PPP2R5C: variants seen among roughly 807,000 people sequenced by gnomAD.
The protein encoded by PPP2R5C is protein phosphatase 2 regulatory subunit B'gamma.
In PPP2R5C, 7 loss-of-function variants were observed where a neutral mutation model predicts 68.9. The ratio of observed to expected loss-of-function variants is 0.10; its 90% CI spans 0.06 to 0.19. The LOEUF (loss-of-function observed/expected upper bound fraction) is 0.19. PPP2R5C is among the 10% of genes least tolerant of loss of function. PPP2R5C has a pLI of 1.00. For synonymous variants in PPP2R5C, 210 were observed against 222.2 expected, an observed-to-expected ratio of 0.95 and a Z score of 0.49; for missense variants, 348 against 641.3, an observed-to-expected ratio of 0.54 and a Z score of 4.94.
chr14:101,842,581 TG>T (rs889789140), intron 1 of PPP2R5C, among the ~76,000 whole-genome samples: 12 of 152,168 alleles, frequency 7.9e-5, no homozygotes, highest in Admixed American at 4.6e-4. Flanking sequence ...AGTCACCACC[TG>T]AGGGGCGCCT....
chr14:101,761,731 C>T (rs998396050), upstream of PPP2R5C: 17,045 of 968,796 alleles, frequency 0.018, 172 homozygotes, highest in Non-Finnish European at 0.019. Flanking sequence ...GCCGCAGCCT[C>T]TGGGAGTCTG....
chr14:101,836,884 C>T (rs1341142027), intron 1 of PPP2R5C, among the ~76,000 whole-genome samples: 1 of 152,316 alleles, frequency 6.6e-6, no homozygotes. Context: ...CACGCTAAAG[C>T]GTACAGTCCA....
At chr14:101,843,123 G>A (rs1176880665) in intron 1 of PPP2R5C, among the ~76,000 whole-genome samples, 1 of 152,118 alleles carries the variant, frequency 6.6e-6, no homozygotes, top group Non-Finnish European at 1.5e-5. Flanking sequence ...AACTGCTTGG[G>A]AGGCTGGGGT....
intron 2 of PPP2R5C, 100 bp downstream of exon 2, chr14:101,763,070 C>T (rs1023509600): frequency 8.4e-6 from 9 of 1,074,908 alleles, no homozygotes; most frequent in Non-Finnish European, 1.2e-5. Context: ...TAAAATGTTT[C>T]CCTATGTGAG....
rs1026050147 is a variant in PPP2R5C, at chr14:101,835,742, C to T, written c.95-20944C>T. On this transcript the variant is annotated intron_variant, in intron 1 of 13. Coordinates refer to ENST00000334743, the Ensembl canonical transcript of PPP2R5C. This position sits in a 1 kb window ranked among gnomAD's most constrained non-coding sequence, Gnocchi z 5.0. ...ACCAGTAGCATGTGTGGGACCACGC[C>T]GCCTGCACAGCCGTCCCCTCACGGG... Among the ~76,000 whole-genome samples, 4 of 152,218 alleles carry T rather than the reference C, an allele frequency of 2.6e-5. No homozygotes were observed. Among genetic ancestry groups the T allele is most frequent in the Non-Finnish European group, 4.4e-5 (3 of 68,038 alleles).
chr14:101,833,615 G>A (rs2040892144), intron 1 of PPP2R5C: 1 of 152,124 alleles, frequency 6.6e-6, no homozygotes, highest in African/African-American at 2.4e-5. Context: ...TCATTGAGAG[G>A]ACACAGTATG....
chr14:101,786,472 G>T (rs1736377281), intron 3 of PPP2R5C, among the ~76,000 whole-genome samples: 1 of 152,126 alleles, frequency 6.6e-6, no homozygotes, highest in Non-Finnish European at 1.5e-5. Flanking sequence ...TATTAAGCTA[G>T]CCAGTTTTTC....
At chr14:101,769,073 C>CCCG (rs1265790710) in intron 2 of PPP2R5C, among the ~76,000 whole-genome samples, 1 of 152,214 alleles carries the variant, frequency 6.6e-6, no homozygotes, top group Admixed American at 6.5e-5. Flanking sequence ...ATCCACCTGC[C>CCCG]TCGGCCTCCC....
intron 2 of PPP2R5C, among the ~76,000 whole-genome samples, chr14:101,858,431 T>C (rs2042556538): frequency 6.6e-6 from 1 of 152,128 alleles, no homozygotes; most frequent in Admixed American, 6.5e-5. Flanking sequence ...TCAGGGTAAT[T>C]GGGGTTTCCA....
chr14:101,766,837 A>G (rs1385165501), intron 2 of PPP2R5C: 1 of 152,248 alleles, frequency 6.6e-6, no homozygotes, highest in Non-Finnish European at 1.5e-5. Flanking sequence ...CTGTGGAAAC[A>G]TAACTAGGCA....
intron 1 of PPP2R5C, among the ~76,000 whole-genome samples, chr14:101,830,462 G>A (rs1293044593): frequency 1.3e-5 from 2 of 152,166 alleles, no homozygotes; most frequent in East Asian, 1.9e-4. Flanking sequence ...GCCAAGTGTT[G>A]GCCCAAATCA....
rs1292895144 is a variant in PPP2R5C at position 101,915,437 on chromosome 14, A to C, written c.1327-2394A>C. On this transcript the variant is annotated intron_variant, in intron 12 of 13. Transcript: ENST00000334743. This position sits in a 1 kb window ranked among gnomAD's most constrained non-coding sequence, Gnocchi z 4.2. ...CTCTCCTGCCAGTGCCCGCTGTGTG[A>C]GGTTTATTTTGCTGTGAACATCTGG... Among the ~76,000 whole-genome samples, 1 of 151,950 alleles carries C rather than the reference A, an allele frequency of 6.6e-6. No homozygotes were observed. Among genetic ancestry groups the C allele is most frequent in the African/African-American group, 2.4e-5 (1 of 41,366 alleles).
chr14:101,877,822 A>G lies in PPP2R5C; in HGVS notation c.295-4339A>G, dbSNP rs1301720206. Among the ~76,000 whole-genome samples the G allele has an allele frequency of 1.3e-5, 2 of 152,128 alleles. No individual in the cohort carries two copies. Among genetic ancestry groups the G allele is most frequent in the Non-Finnish European group, 2.9e-5 (2 of 68,014 alleles). ...AAAGGTGTGTAGAAGTTAGGAGTGC[A>G]AGTTTTTTTCCTTACACATGAGAAA... is the stretch of plus-strand genomic sequence containing the variant. On this transcript the variant is annotated intron_variant, in intron 2 of 13. Coordinates refer to ENST00000334743, the Ensembl canonical transcript of PPP2R5C. The surrounding 1 kb of genome is among the most constrained non-coding windows in gnomAD (Gnocchi z 4.2).
intron 1 of PPP2R5C, among the ~76,000 whole-genome samples, chr14:101,842,260 A>T (rs979561633): frequency 2.0e-5 from 3 of 152,192 alleles, no homozygotes; most frequent in Non-Finnish European, 4.4e-5. Context: ...CAGTCGTGTT[A>T]CTTAGGGAGT....
At chr14:101,810,077 G>A in intron 1 of PPP2R5C, 3 of 1,562,206 alleles carry the variant, frequency 1.9e-6, no homozygotes, top group Non-Finnish European at 2.6e-6. Context: ...ACCTTCCGTG[G>A]GTAGTTAATA....
intron 1 of PPP2R5C, among the ~76,000 whole-genome samples, chr14:101,814,267 T>C (rs530870726): frequency 9.9e-5 from 15 of 152,228 alleles, no homozygotes; most frequent in Non-Finnish European, 2.1e-4. Context: ...CTCTTTACTA[T>C]GTAACTGCAG....
chr14:101,839,792 TA>T (rs900509720), intron 1 of PPP2R5C, among the ~76,000 whole-genome samples: 1 of 152,224 alleles, frequency 6.6e-6, no homozygotes, highest in Non-Finnish European at 1.5e-5. Flanking sequence ...ACAATGGCAT[TA>T]CCTATTTGTT....
chr14:101,911,006 G>A (rs1461652112), intron 11 of PPP2R5C, among the ~76,000 whole-genome samples: 2 of 152,140 alleles, frequency 1.3e-5, no homozygotes, highest in Admixed American at 6.5e-5. Flanking sequence ...CAGAGTCTGA[G>A]GCAGGAGAAT....
At chr14:101,779,657 G>A (rs1595136764) in intron 2 of PPP2R5C, among the ~76,000 whole-genome samples, 1 of 152,148 alleles carries the variant, frequency 6.6e-6, no homozygotes, top group South Asian at 2.1e-4. Flanking sequence ...GGGGGAGACA[G>A]CGGCTGAGCT....
Sources: gnomAD v4.1 joint callset for allele counts (sites outside exome capture counted in the v4.1 genomes callset) on GRCh38, gnomAD v4.1.1 for gene constraint, Gnocchi (gnomAD v3.1) non-coding constraint, MANE v1.5 for transcripts, NCBI Gene and HGNC (gene_info 2026-07-23, HGNC 2026-07-21) for gene names.